L3MBTL4: variants seen among roughly 807,000 people sequenced by gnomAD.
L3MBTL4 encodes L3MBTL histone methyl-lysine binding protein 4.
In L3MBTL4, 70 loss-of-function variants were observed where a neutral mutation model predicts 84.5. The ratio of observed to expected loss-of-function variants is 0.83; its 90% CI spans 0.68 to 1.01. L3MBTL4 has a LOEUF of 1.01. Ranked by LOEUF, L3MBTL4 falls within the 50% of genes least tolerant of loss-of-function variation. L3MBTL4 has a pLI of 0.00. For synonymous variants in L3MBTL4, 274 were observed against 259.8 expected (o/e 1.05, Z -0.52); for missense variants, 715 against 754.8 (o/e 0.95, Z 0.62).
At chr18:6,074,031 C>CT (rs2146023387) in intron 16 of L3MBTL4, among the ~76,000 whole-genome samples, 1 of 152,212 alleles carries the variant, frequency 6.6e-6, no homozygotes, top group African/African-American at 2.4e-5. Flanking sequence ...TGAAATATCT[C>CT]TGAGAGTTCC....
At chr18:6,294,294 C>A (rs762455428) in intron 4 of L3MBTL4, among the ~76,000 whole-genome samples, 1 of 152,046 alleles carries the variant, frequency 6.6e-6, no homozygotes, top group Non-Finnish European at 1.5e-5. Flanking sequence ...AGAGAGCACA[C>A]AGGGAGATGA....
chr18:6,156,088 T>G (rs561654086), intron 13 of L3MBTL4, among the ~76,000 whole-genome samples: 19 of 152,262 alleles, frequency 1.2e-4, no homozygotes, highest in African/African-American at 4.3e-4. Context: ...TGACCCCCAA[T>G]TTTGAAAGAA....
chr18:6,185,841 C>T (rs2044700048), intron 12 of L3MBTL4, among the ~76,000 whole-genome samples: 1 of 152,132 alleles, frequency 6.6e-6, no homozygotes, highest in Admixed American at 6.5e-5. Context: ...GCCAAATAGA[C>T]ATGTGAGAAA....
At chr18:6,152,954 A>C (rs2042957660) in intron 13 of L3MBTL4, among the ~76,000 whole-genome samples, 1 of 152,048 alleles carries the variant, frequency 6.6e-6, no homozygotes, top group South Asian at 2.1e-4. Flanking sequence ...CTGCATGTGG[A>C]TATGTAGTTT....
At position 6,143,687 on chromosome 18, in the gene L3MBTL4, C is replaced by T. The variant is rs34850294; in HGVS notation, c.1097-5391G>A. On this transcript the variant is annotated intron_variant, in intron 13 of 18. Coordinates refer to ENST00000317931, the MANE Select transcript of L3MBTL4 (RefSeq NM_001330559.2). ...ACTTTTTCAGAAAGAGCATCTCTGACCATATGACCCATTCTTGTCTTATTT... is the reference window on the plus strand; with the variant it reads ...ACTTTTTCAGAAAGAGCATCTCTGATCATATGACCCATTCTTGTCTTATTT... Among the ~76,000 whole-genome samples, 655 of 152,276 alleles carry T rather than the reference C, an allele frequency of 4.3e-3. 5 individuals carry two copies. The highest frequency in any genetic ancestry group is 0.015 in the African/African-American group (627 of 41,552).
At chr18:5,988,162 AC>A (rs1236200300) in intron 16 of L3MBTL4, among the ~76,000 whole-genome samples, 14 of 152,222 alleles carry the variant, frequency 9.2e-5, no homozygotes, top group African/African-American at 3.4e-4. Flanking sequence ...AAATCAGTGG[AC>A]TTGGGAAGGA....
intron 16 of L3MBTL4, chr18:6,032,086 T>A (rs1438320199): frequency 4.9e-6 from 1 of 204,900 alleles, no homozygotes; most frequent in Non-Finnish European, 9.3e-6. Flanking sequence ...CAAGCAATTC[T>A]CCTGCCTCAG....
chr18:6,103,642 A>G (rs553520314), intron 14 of L3MBTL4, among the ~76,000 whole-genome samples: 1 of 152,318 alleles, frequency 6.6e-6, no homozygotes, highest in East Asian at 1.9e-4. Context: ...AGTTCAATAT[A>G]CTGAATTTAA....
chr18:6,411,721 A>C (rs1189979669), intron 1 of L3MBTL4, among the ~76,000 whole-genome samples: 1 of 152,108 alleles, frequency 6.6e-6, no homozygotes, highest in African/African-American at 2.4e-5. Flanking sequence ...ACCCTAACAC[A>C]TGCTTTTTAG....
At chr18:6,110,212 T>A (rs1199718244) in intron 14 of L3MBTL4, among the ~76,000 whole-genome samples, 1 of 152,214 alleles carries the variant, frequency 6.6e-6, no homozygotes, top group East Asian at 1.9e-4. Context: ...TTTAATCCAC[T>A]GGTAGTAGAG....
chr18:6,021,698 C>T lies in L3MBTL4; in HGVS notation c.1445-52136G>A, dbSNP rs1039664105. 5.3e-5 allele frequency among the ~76,000 whole-genome samples: 8 copies of T among 152,064 alleles called. No individual in the cohort carries two copies. In the South Asian group the frequency reaches 6.2e-4, roughly 12 times the overall value. On this transcript the variant is annotated intron_variant, in intron 16 of 18. Coordinates refer to ENST00000317931, the MANE Select transcript of L3MBTL4 (RefSeq NM_001330559.2). ...TGAAATCTTCTTCAATATAGACAAA[C>T]GGAGGTAAGTTGAGAATCGAAGCCA...
chr18:6,140,437 G>A (rs2060160656), intron 13 of L3MBTL4, among the ~76,000 whole-genome samples: 1 of 152,126 alleles, frequency 6.6e-6, no homozygotes, highest in Non-Finnish European at 1.5e-5. Context: ...AGTTCTCCTG[G>A]GAAAAAAATG....
At chr18:6,315,011 GT>G (rs895163694) in intron 1 of L3MBTL4, among the ~76,000 whole-genome samples, 3 of 152,080 alleles carry the variant, frequency 2.0e-5, no homozygotes, top group Admixed American at 1.3e-4. Context: ...AAATATCCCA[GT>G]TTAAACAATA....
chr18:6,070,512 C>CAA (rs35237218), intron 16 of L3MBTL4, among the ~76,000 whole-genome samples: 3,616 of 132,556 alleles, frequency 0.027, 145 homozygotes, highest in African/African-American at 0.092. Context: ...AAAACTTACT[C>CAA]AAAAAAAAAA....
chr18:6,229,217 C>T (rs1023937245), intron 10 of L3MBTL4, among the ~76,000 whole-genome samples: 2 of 152,278 alleles, frequency 1.3e-5, no homozygotes, highest in Non-Finnish European at 1.5e-5. Flanking sequence ...TCAAAAGTAA[C>T]AGGCTTGCCC....
intron 10 of L3MBTL4, among the ~76,000 whole-genome samples, chr18:6,237,394 T>C (rs2047256608): frequency 6.6e-6 from 1 of 151,940 alleles, no homozygotes; most frequent in African/African-American, 2.4e-5. Flanking sequence ...GGTACTCATT[T>C]AGTTGGATAA....
intron 1 of L3MBTL4, among the ~76,000 whole-genome samples, chr18:6,403,073 C>T (rs968604012): frequency 6.6e-6 from 1 of 152,230 alleles, no homozygotes; most frequent in African/African-American, 2.4e-5. Context: ...GCCAATGCTG[C>T]TAGCATTCCC....
intron 1 of L3MBTL4, among the ~76,000 whole-genome samples, chr18:6,407,498 C>T (rs1021756753): frequency 6.6e-6 from 1 of 152,142 alleles, no homozygotes; most frequent in Non-Finnish European, 1.5e-5. Flanking sequence ...TTTATGATAT[C>T]AAAGGCCAAG....
At chr18:6,333,798 C>T (rs1441075117) in intron 1 of L3MBTL4, among the ~76,000 whole-genome samples, 1 of 152,112 alleles carries the variant, frequency 6.6e-6, no homozygotes, top group Non-Finnish European at 1.5e-5. Context: ...TTCCTAGTCA[C>T]TCAATAATGT....
Sources: allele counts gnomAD v4.1 joint callset (sites outside exome capture counted in the v4.1 genomes callset), GRCh38; gene constraint gnomAD v4.1.1; transcripts MANE v1.5; gene names NCBI Gene and HGNC (gene_info 2026-07-23, HGNC 2026-07-21).